DLG2: variants seen among roughly 807,000 people sequenced by gnomAD.
DLG2 encodes the protein discs large MAGUK scaffold protein 2.
Under a neutral mutation model 132.5 loss-of-function variants are expected in DLG2, and 45 were observed. The observed-to-expected ratio is 0.34, with a 90% confidence interval of 0.27 to 0.44. The LOEUF (loss-of-function observed/expected upper bound fraction) is 0.44. Ranked by LOEUF, DLG2 falls within the 20% of genes least tolerant of loss-of-function variation. DLG2 has a pLI of 1.00. For missense variants in DLG2, 1,045 were observed against 1,196.9 expected, an observed-to-expected ratio of 0.87 and a Z score of 1.87; for synonymous variants, 424 against 419.6, an observed-to-expected ratio of 1.01 and a Z score of -0.13.
chr11:84,778,505 TAAA>T (rs1181882657), intron 6 of DLG2, among the ~76,000 whole-genome samples: 1 of 152,212 alleles, frequency 6.6e-6, no homozygotes, highest in Non-Finnish European at 1.5e-5. Flanking sequence ...GGTATTTTGA[TAAA>T]AAATGCATTG....
At chr11:84,115,907 T>C (rs1173307295) in intron 9 of DLG2, among the ~76,000 whole-genome samples, 2 of 152,230 alleles carry the variant, frequency 1.3e-5, no homozygotes, top group Non-Finnish European at 2.9e-5. Context: ...CACCACTAAC[T>C]GTATTCTCGT....
At chr11:83,812,930 C>T (rs767187503) in intron 17 of DLG2, among the ~76,000 whole-genome samples, 1 of 152,108 alleles carries the variant, frequency 6.6e-6, no homozygotes, top group Non-Finnish European at 1.5e-5. Flanking sequence ...TTCTTAGAGC[C>T]TTGAGCACTG....
chr11:84,522,864 A>G (rs1025990476), intron 7 of DLG2, among the ~76,000 whole-genome samples: 2 of 152,220 alleles, frequency 1.3e-5, no homozygotes, highest in African/African-American at 4.8e-5. Context: ...AAGGTTATGC[A>G]TATGTTCCAA....
chr11:85,111,769 T>G (rs1218479482), intron 5 of DLG2, 34 bp from the exon 6 acceptor site: 5 of 1,478,304 alleles, frequency 3.4e-6, no homozygotes, highest in Non-Finnish European at 9.2e-7. Flanking sequence ...TATATTCTAT[T>G]TATTATGGGC....
intron 7 of DLG2, among the ~76,000 whole-genome samples, chr11:84,518,765 G>C (rs954564822): frequency 6.6e-6 from 1 of 152,130 alleles, no homozygotes; most frequent in Non-Finnish European, 1.5e-5. Flanking sequence ...TCAGAAGGCA[G>C]AAAGATAACA....
intron 2 of DLG2, among the ~76,000 whole-genome samples, chr11:85,621,552 G>T (rs1282073742): frequency 6.6e-6 from 1 of 152,184 alleles, no homozygotes; most frequent in Non-Finnish European, 1.5e-5. Flanking sequence ...AACATTAACG[G>T]GAGTTTGGAA....
chr11:84,646,753 T>C (rs1456396584), intron 6 of DLG2, among the ~76,000 whole-genome samples: 2 of 151,896 alleles, frequency 1.3e-5, no homozygotes, highest in African/African-American at 2.4e-5. Flanking sequence ...TTATAGTCAG[T>C]TCCTGCTGAA....
intron 3 of DLG2, among the ~76,000 whole-genome samples, chr11:85,393,041 C>A (rs1452540822): frequency 6.6e-6 from 1 of 152,088 alleles, no homozygotes; most frequent in African/African-American, 2.4e-5. Flanking sequence ...TAACAGACAA[C>A]CCATAGAATA....
intron 6 of DLG2, among the ~76,000 whole-genome samples, chr11:84,859,394 A>ATATG: frequency 6.9e-6 from 1 of 145,152 alleles, no homozygotes; most frequent in East Asian, 2.0e-4. Context: ...GCATACATAT[A>ATATG]TATGTATATA....
chr11:84,953,683 T>C (rs2051249461), intron 6 of DLG2, among the ~76,000 whole-genome samples: 1 of 152,214 alleles, frequency 6.6e-6, no homozygotes, highest in South Asian at 2.1e-4. Flanking sequence ...CTTCTTTTAA[T>C]CATGTTCCAT....
chr11:83,456,818 C>T lies in DLG2; in HGVS notation c.*3000G>A, dbSNP rs1217831463. The T allele has an allele frequency of 2.0e-5, 3 of 152,160 alleles. No homozygotes were observed. The highest frequency in any genetic ancestry group is 4.8e-5 in the African/African-American group (2 of 41,428). The allele number at this position is 152,160 out of a possible 1,614,324, so 9.4% of individuals were successfully genotyped here. A position where few individuals can be genotyped will look rare whatever the true frequency, so the allele number is the denominator to read the frequency against. On this transcript the variant is annotated 3_prime_UTR_variant, in exon 28 of 28. Transcript: ENST00000376104. ...ATCTAAGACAGCGCACAGAGGCACC[C>T]GAGTGCAGCTTTGTGAAGACAGGCT...
intron 4 of DLG2, among the ~76,000 whole-genome samples, chr11:85,217,476 T>C (rs2082698870): frequency 6.6e-6 from 1 of 152,178 alleles, no homozygotes; most frequent in Non-Finnish European, 1.5e-5. Context: ...CTCCCTCCTT[T>C]TCTATCCTTG....
chr11:84,272,472 T>C (rs2097737236), intron 7 of DLG2, among the ~76,000 whole-genome samples: 1 of 152,182 alleles, frequency 6.6e-6, no homozygotes, highest in South Asian at 2.1e-4. Flanking sequence ...CATTTTAATA[T>C]TCTTCTTGGT....
At chr11:84,284,101 G>A (rs552752289) in intron 7 of DLG2, among the ~76,000 whole-genome samples, 26 of 152,246 alleles carry the variant, frequency 1.7e-4, no homozygotes, top group African/African-American at 6.3e-4. Flanking sequence ...AGGCGTGGTG[G>A]TGCATGCTTG....
intron 6 of DLG2, among the ~76,000 whole-genome samples, chr11:84,791,496 T>C (rs1217432814): frequency 6.6e-6 from 1 of 152,220 alleles, no homozygotes; most frequent in Non-Finnish European, 1.5e-5. Context: ...GCTATTTTGA[T>C]AGGGATTGCA....
chr11:84,389,235 G>C (rs979412379), intron 7 of DLG2, among the ~76,000 whole-genome samples: 1 of 152,024 alleles, frequency 6.6e-6, no homozygotes, highest in Non-Finnish European at 1.5e-5. Context: ...TTTGTAACCA[G>C]AGTAAATGAG....
At chr11:84,682,979 A>G (rs1010132624) in intron 6 of DLG2, among the ~76,000 whole-genome samples, 2 of 152,180 alleles carry the variant, frequency 1.3e-5, no homozygotes, top group African/African-American at 2.4e-5. Flanking sequence ...CTTTATCACA[A>G]TGCAGATATA....
At chr11:85,335,659 T>G (rs1312012138) in intron 3 of DLG2, among the ~76,000 whole-genome samples, 2 of 152,184 alleles carry the variant, frequency 1.3e-5, no homozygotes, top group African/African-American at 4.8e-5. Flanking sequence ...ATTTCTCCTT[T>G]GCTTATGAAG....
intron 18 of DLG2, among the ~76,000 whole-genome samples, chr11:83,744,016 T>C (rs2092732914): frequency 6.6e-6 from 1 of 152,180 alleles, no homozygotes; most frequent in South Asian, 2.1e-4. Context: ...GGGTTCACAA[T>C]GCAAATTGGG....
Sources: gnomAD v4.1 joint callset for allele counts (sites outside exome capture counted in the v4.1 genomes callset) on GRCh38, gnomAD v4.1.1 for gene constraint, MANE v1.5 for transcripts, NCBI Gene and HGNC (gene_info 2026-07-23, HGNC 2026-07-21) for gene names.